Variants in RPRD1B observed in about 807,000 individuals in gnomAD.
RPRD1B encodes regulation of nuclear pre-mRNA domain containing 1B, also known as regulation of nuclear pre-mRNA domain-containing protein 1B.
Under a neutral mutation model 41.5 loss-of-function variants are expected in RPRD1B, and 11 were observed. That is an observed-to-expected ratio of 0.27 (90% CI 0.17 to 0.44). The LOEUF (loss-of-function observed/expected upper bound fraction) is 0.44, where lower values mean the gene tolerates loss of function less well. Ranked by LOEUF, RPRD1B falls within the 20% of genes least tolerant of loss-of-function variation. The pLI, the probability that RPRD1B is intolerant of heterozygous loss-of-function variation, is 1.00. For missense variants in RPRD1B, 248 were observed against 389.9 expected (o/e 0.64, Z 3.06); for synonymous variants, 158 against 155.6 (o/e 1.02, Z -0.12).
At position 38,060,817 on chromosome 20, in the gene RPRD1B, C is replaced by G. The variant is rs538124763; in HGVS notation, c.655+1297C>G. The stretch of plus-strand genomic sequence containing the variant: ...CACCTCTTCCTAGTCCTCGAGTCCT[C>G]ATTTTCTTCTTTATTCAGATTGGAG... On this transcript the variant is annotated intron_variant, in intron 5 of 6. Transcript: ENST00000373433. Among the ~76,000 whole-genome samples the G allele has an allele frequency of 3.3e-5, 5 of 152,254 alleles. No homozygotes were observed. In the East Asian group the frequency reaches 9.7e-4, roughly 29 times the overall value.
At chr20:38,060,299 A>G (rs1479329099) in intron 5 of RPRD1B, among the ~76,000 whole-genome samples, 3 of 152,126 alleles carry the variant, frequency 2.0e-5, no homozygotes, top group African/African-American at 7.2e-5. Flanking sequence ...CTTTCATTCC[A>G]TTGTCTTCCA....
intron 2 of RPRD1B, among the ~76,000 whole-genome samples, chr20:38,044,193 C>T (rs1038357494): frequency 3.3e-5 from 5 of 152,226 alleles, no homozygotes; most frequent in Admixed American, 1.3e-4. Context: ...GCTTCCGAGT[C>T]CTCTCTCAGT....
At chr20:38,049,163 G>C (rs1038260453) in intron 3 of RPRD1B, among the ~76,000 whole-genome samples, 3 of 151,850 alleles carry the variant, frequency 2.0e-5, no homozygotes, top group African/African-American at 7.3e-5. Flanking sequence ...TTGCCAGGCT[G>C]GTCTCAAACT....
chr20:38,091,660 C>G lies in RPRD1B; in HGVS notation c.*1785C>G. 2 of 985,602 alleles carry G rather than the reference C, an allele frequency of 2.0e-6. No individual in the cohort carries two copies. The highest frequency in any genetic ancestry group is 2.4e-6 in the Non-Finnish European group (2 of 830,026). 61.1% of individuals were successfully genotyped at this position (985,602 alleles called of 1,614,324 possible). On this transcript the variant is annotated 3_prime_UTR_variant, in exon 7 of 7. Coordinates refer to ENST00000373433, the MANE Select transcript of RPRD1B (RefSeq NM_021215.4). ...CCCACCCCCCGTGGTGTGCTGCTTT[C>G]TAGATGAGCGTGTTTTGGAGCAGGC... is the stretch of plus-strand genomic sequence containing the variant.
intron 1 of RPRD1B, among the ~76,000 whole-genome samples, chr20:38,034,981 C>T (rs1276431107): frequency 6.6e-6 from 1 of 152,034 alleles, no homozygotes; most frequent in Admixed American, 6.5e-5. Context: ...TTATTACATG[C>T]GAAGTGCAGT....
intron 2 of RPRD1B, among the ~76,000 whole-genome samples, chr20:38,042,903 CATAGG>C (rs1480577385): frequency 6.6e-6 from 1 of 152,176 alleles, no homozygotes; most frequent in African/African-American, 2.4e-5. Flanking sequence ...CTGCCAAGTT[CATAGG>C]ATAGATTTGA....
At chr20:38,058,873 ATTATT>A (rs2074269468) in intron 4 of RPRD1B, among the ~76,000 whole-genome samples, 1 of 151,906 alleles carries the variant, frequency 6.6e-6, no homozygotes, top group South Asian at 2.1e-4. Flanking sequence ...TGCTTGGCTT[ATTATT>A]TTATTTTAAT....
chr20:38,073,903 C>T lies in RPRD1B; in HGVS notation c.831+7647C>T, dbSNP rs531498307. Among the ~76,000 whole-genome samples, 7 of 152,338 alleles carry T rather than the reference C, an allele frequency of 4.6e-5. No homozygotes were observed. The East Asian group carries it at 1.4e-3, about 29-fold the overall frequency. On this transcript the variant is annotated intron_variant, in intron 6 of 6. Transcript: ENST00000373433. ...GTGTTCTCCTGGGAGCTGAGAGGCC[C>T]TGCCTAGTGCCGGCCCCCTCCTCTC...
chr20:38,082,572 A>G (rs2074523589), intron 6 of RPRD1B, among the ~76,000 whole-genome samples: 1 of 152,132 alleles, frequency 6.6e-6, no homozygotes, highest in African/African-American at 2.4e-5. Context: ...TATTTTTAAT[A>G]GAGACGGGGT....
intron 5 of RPRD1B, 29 bp from the exon 6 acceptor site, chr20:38,066,052 C>A: frequency 6.2e-7 from 1 of 1,606,648 alleles, no homozygotes; most frequent in Non-Finnish European, 8.5e-7. Flanking sequence ...TGTATATTTT[C>A]TCTATTTTTT....
chr20:38,078,533 C>T (rs1002361194), intron 6 of RPRD1B, among the ~76,000 whole-genome samples: 2 of 151,788 alleles, frequency 1.3e-5, no homozygotes, highest in African/African-American at 4.8e-5. Context: ...CATAGGTTGT[C>T]AGTCTGTTTG....
At chr20:38,087,918 C>T (rs371060173) in intron 6 of RPRD1B, among the ~76,000 whole-genome samples, 3 of 152,156 alleles carry the variant, frequency 2.0e-5, no homozygotes, top group African/African-American at 4.8e-5. Flanking sequence ...CTGGACACTG[C>T]GGAGCCTGGT....
At chr20:38,039,953 C>CA (rs760085864) in intron 1 of RPRD1B, among the ~76,000 whole-genome samples, 18 of 152,066 alleles carry the variant, frequency 1.2e-4, no homozygotes, top group Non-Finnish European at 2.2e-4. Context: ...AGGCTGGTCT[C>CA]AAACTCCTGA....
chr20:38,063,640 TAGG>T (rs2074323644), intron 5 of RPRD1B, among the ~76,000 whole-genome samples: 1 of 152,048 alleles, frequency 6.6e-6, no homozygotes, highest in South Asian at 2.1e-4. Flanking sequence ...GTGGTTTTCT[TAGG>T]AGGGAGAGAG....
chr20:38,088,842 A>G (rs558712516), intron 6 of RPRD1B, among the ~76,000 whole-genome samples: 38 of 152,320 alleles, frequency 2.5e-4, no homozygotes, highest in African/African-American at 8.7e-4. Context: ...CGTCTCCTGG[A>G]TGCAGAGCAA....
intron 6 of RPRD1B, among the ~76,000 whole-genome samples, chr20:38,086,799 G>A (rs1480240459): frequency 6.6e-6 from 1 of 152,176 alleles, no homozygotes; most frequent in Non-Finnish European, 1.5e-5. Context: ...CTTCCAGAGT[G>A]GCCTGAAGAG....
intron 6 of RPRD1B, among the ~76,000 whole-genome samples, chr20:38,079,255 T>G (rs1020836836): frequency 9.9e-5 from 15 of 152,152 alleles, no homozygotes; most frequent in African/African-American, 3.6e-4. Context: ...TTCTTTTTTT[T>G]TTTTTCTTTC....
In RPRD1B at chr20:38,066,099, G is replaced by T. The variant is rs180688467; in HGVS notation, c.674G>T (p.Arg225Leu). The T allele has an allele frequency of 6.8e-6, 11 of 1,614,074 alleles. No individual in the cohort carries two copies. The highest frequency in any genetic ancestry group is 1.3e-5 in the African/African-American group (1 of 75,038). Residue 225 changes from arginine to leucine, a missense_variant, in exon 6 of 7, where the codon CGT (arginine) becomes CTT (leucine). Around this residue, in one of 5 missense-constraint regions of RPRD1B, gnomAD observed 93 missense variants for 167.2 expected, o/e 0.56. Coordinates refer to ENST00000373433, the MANE Select transcript of RPRD1B (RefSeq NM_021215.4). ...EKITDKEAAERLSKTVDEACL... is the reference protein window; with the variant it reads ...EKITDKEAAELLSKTVDEACL... ...TACTTAGACAAAGAGGCAGCTGAAC[G>T]TCTTTCAAAAACAGTAGATGAAGCA...
Position 38,091,482 on chromosome 20 carries a change from CTG to C in RPRD1B, c.*1613_*1614del, listed in dbSNP as rs954286693. On this transcript the variant is annotated 3_prime_UTR_variant, in exon 7 of 7. Transcript: ENST00000373433. The stretch of plus-strand genomic sequence containing the variant: ...GCTGTTATTCAGATTTGAATTCAGA[CTG>C]TGTGTTGTTTGCTTATGGACACTGC... 8.3e-5 allele frequency: 82 copies of C among 985,404 alleles called. No individual in the cohort carries two copies. Among genetic ancestry groups the C allele is most frequent in the Admixed American group, 4.9e-4 (8 of 16,294 alleles). 61.0% of individuals were successfully genotyped at this position (985,404 alleles called of 1,614,324 possible). A position where few individuals can be genotyped will look rare whatever the true frequency, so the allele number is the denominator to read the frequency against.
Sources: allele counts gnomAD v4.1 joint callset (sites outside exome capture counted in the v4.1 genomes callset), GRCh38; gene constraint gnomAD v4.1.1; regional missense constraint gnomAD v4.1.1; transcripts MANE v1.5; gene names NCBI Gene and HGNC (gene_info 2026-07-23, HGNC 2026-07-21).